Variants in IPO9 observed in about 807,000 individuals in gnomAD.
The protein encoded by IPO9 is importin-9.
Under a neutral mutation model 128.6 loss-of-function variants are expected in IPO9, and 28 were observed. The observed-to-expected ratio is 0.22, with a 90% confidence interval of 0.16 to 0.30. The LOEUF (loss-of-function observed/expected upper bound fraction) is 0.30. Ranked by LOEUF, IPO9 falls within the 10% of genes least tolerant of loss-of-function variation. The pLI, the probability that IPO9 is intolerant of heterozygous loss-of-function variation, is 1.00. For missense variants in IPO9, 935 were observed against 1,293.9 expected (o/e 0.72, Z 4.26); for synonymous variants, 455 against 475.8 (o/e 0.96, Z 0.57).
Position 201,872,949 on chromosome 1 carries a change from AAGTC to A in IPO9, c.2701_2704del (p.Ser901ProfsTer17). ...GGATGAGGGCATCCGCACCCGCTCT[AAGTC>A]AGCCAAAAGTGGGTGCTGCTGCGAT... On this transcript the variant is annotated frameshift_variant, in exon 20 of 24. Transcript: ENST00000361565. LOFTEE classifies it high-confidence loss of function. 6.2e-7 allele frequency: 1 copy of A among 1,612,492 alleles called. No individual in the cohort carries two copies. The highest frequency in any genetic ancestry group is 1.1e-5 in the South Asian group (1 of 90,878).
chr1:201,854,484 T>G, intron 6 of IPO9, 111 bp from the exon 7 acceptor site: 1 of 1,346,420 alleles, frequency 7.4e-7, no homozygotes, highest in Non-Finnish European at 1.0e-6. Context: ...TGATCAGGCT[T>G]GGAGCCTGAA....
chr1:201,870,571 C>T lies in IPO9; in HGVS notation c.2134-12C>T. ...CGATTACTAATCTTGCTTGCCACCC[C>T]TGTCTCCCCAGAATGGCGGAGAGTG... On this transcript the variant is annotated splice_polypyrimidine_tract_variant and intron_variant, in intron 17 of 23. Transcript: ENST00000361565. This position sits in a 1 kb window ranked among gnomAD's most constrained non-coding sequence, Gnocchi z 4.9. The T allele has an allele frequency of 6.2e-7, 1 of 1,606,042 alleles. No individual in the cohort carries two copies. The highest frequency in any genetic ancestry group is 1.1e-5 in the South Asian group (1 of 90,828).
chr1:201,838,623 A>G (rs1338404015), intron 1 of IPO9, among the ~76,000 whole-genome samples: 1 of 152,188 alleles, frequency 6.6e-6, no homozygotes, highest in Non-Finnish European at 1.5e-5. Context: ...TAACTCTTTC[A>G]GAAAGAATGT....
At chr1:201,845,440 C>A (rs1418550106) in intron 1 of IPO9, among the ~76,000 whole-genome samples, 2 of 152,214 alleles carry the variant, frequency 1.3e-5, no homozygotes, top group African/African-American at 4.8e-5. Context: ...TCACACCAAT[C>A]CATAGCTCCC....
chr1:201,865,361 A>T, intron 14 of IPO9, among the ~76,000 whole-genome samples: 1 of 152,060 alleles, frequency 6.6e-6, no homozygotes. Flanking sequence ...GGCATGTGCC[A>T]CCACACCCAG....
In IPO9 at chr1:201,847,617, G is replaced by A. The variant is rs952998878; in HGVS notation, c.291G>A (p.Arg97=). ...GGTGTGCCCAATCAGAGAAATTTAG[G>A]CCTCCTGAAACTACAGAAAGGGTAA... ...THWCAQSEKF[R]PPETTERAKI... Residue 97 remains arginine (R), a synonymous_variant, in exon 3 of 24, where the codon AGG becomes AGA. Transcript: ENST00000361565. 2 of 1,613,410 alleles carry A rather than the reference G, an allele frequency of 1.2e-6. No homozygotes were observed. The highest frequency in any genetic ancestry group is 8.5e-7 in the Non-Finnish European group (1 of 1,179,536).
In IPO9 at chr1:201,852,158, TC is replaced by T; in HGVS notation, c.572del (p.Pro191GlnfsTer31). 1 of 1,612,976 alleles carries T rather than the reference TC, an allele frequency of 6.2e-7. No homozygotes were observed. Among genetic ancestry groups the T allele is most frequent in the South Asian group, 1.1e-5 (1 of 91,050 alleles). On this transcript the variant is annotated frameshift_variant, in exon 5 of 24. Coordinates refer to ENST00000361565, the MANE Select transcript of IPO9 (RefSeq NM_018085.5). LOFTEE classifies it high-confidence loss of function. ...TQMPLVAPVI[L>X]PEMYKIFTMA... ...ATGCCACTTGTTGCTCCTGTCATTC[TC>T]CCAGAGATGTATAAGATCTTCACCA...
At chr1:201,861,089 C>G (rs187142857) in intron 13 of IPO9, among the ~76,000 whole-genome samples, 109 of 152,262 alleles carry the variant, frequency 7.2e-4, no homozygotes, top group African/African-American at 2.4e-3. Context: ...TTGCTTGAAC[C>G]CAGGAGGCGG....
rs759034201 is a variant in IPO9, at chr1:201,870,547, G to T, written c.2134-36G>T. Reference sequence around the variant, plus strand: ...GAGGGCCTTCTGGCATCTGTCCCTCGATTACTAATCTTGCTTGCCACCCCT... The same window carrying T: ...GAGGGCCTTCTGGCATCTGTCCCTCTATTACTAATCTTGCTTGCCACCCCT... On this transcript the variant is annotated intron_variant, in intron 17 of 23. Coordinates refer to ENST00000361565, the MANE Select transcript of IPO9 (RefSeq NM_018085.5). This position sits in a 1 kb window ranked among gnomAD's most constrained non-coding sequence, Gnocchi z 4.9. 6.3e-7 allele frequency: 1 copy of T among 1,596,684 alleles called. No individual in the cohort carries two copies.
intron 5 of IPO9, among the ~76,000 whole-genome samples, chr1:201,852,679 A>G (rs1054772628): frequency 6.6e-6 from 1 of 152,126 alleles, no homozygotes; most frequent in Non-Finnish European, 1.5e-5. Context: ...TCTGCCCCCA[A>G]CCAATGGTCT....
At chr1:201,849,751 G>A (rs1248994330) in intron 4 of IPO9, among the ~76,000 whole-genome samples, 4 of 152,106 alleles carry the variant, frequency 2.6e-5, no homozygotes, top group African/African-American at 4.8e-5. Context: ...CACTATATTC[G>A]TATTGATTGC....
intron 23 of IPO9, 69 bp downstream of exon 23, chr1:201,875,297 A>G (rs974584225): frequency 9.6e-6 from 13 of 1,356,654 alleles, no homozygotes; most frequent in Non-Finnish European, 1.3e-5. Context: ...TATGGGCTCA[A>G]ATCCATTTAT....
In IPO9 at chr1:201,880,826, T is replaced by C. The variant is rs1285007786; in HGVS notation, c.*4772T>C. The C allele has an allele frequency of 6.6e-6, 1 of 152,220 alleles. No individual in the cohort carries two copies. The highest frequency in any genetic ancestry group is 1.5e-5 in the Non-Finnish European group (1 of 68,042). The allele number at this position is 152,220 out of a possible 1,614,324, so 9.4% of individuals were successfully genotyped here. ...CATTCGGTAGAAACAGTACTTCAAG[T>C]ATCCATACAATCAGTACAGTATTCA... On this transcript the variant is annotated 3_prime_UTR_variant, in exon 24 of 24. Transcript: ENST00000361565.
At chr1:201,851,092 T>C (rs1680206653) in intron 4 of IPO9, among the ~76,000 whole-genome samples, 1 of 152,036 alleles carries the variant, frequency 6.6e-6, no homozygotes, top group South Asian at 2.1e-4. Context: ...TGTAGCTCAC[T>C]GTAACCTTGA....
In IPO9 at chr1:201,871,096, TC is replaced by T. The variant is rs1385465971; in HGVS notation, c.2410-62del. The T allele has an allele frequency of 6.6e-6, 10 of 1,509,706 alleles. No homozygotes were observed. The African/African-American group carries it at 1.4e-4, about 21-fold the overall frequency. 93.5% of individuals were successfully genotyped at this position (1,509,706 alleles called of 1,614,324 possible). On this transcript the variant is annotated intron_variant, in intron 18 of 23. Transcript: ENST00000361565. ...TGTATTTCTTATCTGACTGGCCAGTTCCCTCTCATCTCCTATGTCTCTGAAA... is the reference window on the plus strand; with the variant it reads ...TGTATTTCTTATCTGACTGGCCAGTTCCTCTCATCTCCTATGTCTCTGAAA...
In IPO9 at chr1:201,847,732, A is replaced by T. The variant is rs115437519; in HGVS notation, c.312+94A>T. The T allele has an allele frequency of 2.0e-3, 1,795 of 886,430 alleles. 24 individuals are homozygous for T. In the African/African-American group the frequency reaches 0.027, roughly 13 times the overall value. 54.9% of individuals were successfully genotyped at this position (886,430 alleles called of 1,614,324 possible). On this transcript the variant is annotated intron_variant, in intron 3 of 23. Coordinates refer to ENST00000361565, the MANE Select transcript of IPO9 (RefSeq NM_018085.5). ...CATTCTTTGACAGCATGGAGCAATC[A>T]AAAGACTAGGCAGAAAAGGAGATTG...
chr1:201,840,152 C>T (rs1461293602), intron 1 of IPO9, among the ~76,000 whole-genome samples: 3 of 152,156 alleles, frequency 2.0e-5, no homozygotes, highest in Non-Finnish European at 4.4e-5. Flanking sequence ...TGCAGTGGCA[C>T]AGTCCCTCCT....
In IPO9 at chr1:201,869,471, C is replaced by G. The variant is rs142458038; in HGVS notation, c.2005-119C>G. The G allele has an allele frequency of 9.5e-4, 1,185 of 1,243,272 alleles. 3 individuals carry two copies. Among genetic ancestry groups the G allele is most frequent in the Non-Finnish European group, 1.0e-3 (928 of 895,194 alleles). The allele number at this position is 1,243,272 out of a possible 1,614,324, so 77.0% of individuals were successfully genotyped here. A position where few individuals can be genotyped will look rare whatever the true frequency, so the allele number is the denominator to read the frequency against. On this transcript the variant is annotated intron_variant, in intron 16 of 23. Transcript: ENST00000361565. ...TATTCCTTTTATTTTGGAAACTTGC[C>G]TTTCATTAATAAGCTTTCTCTGGGT...
chr1:201,835,841 G>A (rs1191517077), intron 1 of IPO9, among the ~76,000 whole-genome samples: 1 of 152,160 alleles, frequency 6.6e-6, no homozygotes, highest in East Asian at 1.9e-4. Flanking sequence ...CGGGCACAGT[G>A]TGGCTCACTC....
Sources: gnomAD v4.1 joint callset for allele counts (sites outside exome capture counted in the v4.1 genomes callset) on GRCh38, gnomAD v4.1.1 for gene constraint, Gnocchi (gnomAD v3.1) non-coding constraint, MANE v1.5 for transcripts, NCBI Gene and HGNC (gene_info 2026-07-23, HGNC 2026-07-21) for gene names.